The following METTL15 variants were observed in gnomAD, a reference collection of about 807,000 sequenced individuals.
The protein encoded by METTL15 is methyltransferase 15, mitochondrial 12S rRNA N4-cytidine.
Under a neutral mutation model 38.3 loss-of-function variants are expected in METTL15, and 34 were observed. That is an observed-to-expected ratio of 0.89 (90% CI 0.68 to 1.18). The LOEUF (loss-of-function observed/expected upper bound fraction) is 1.18. METTL15 is among the 50% of genes most tolerant of loss of function. The pLI is 0.00. For missense variants in METTL15, 438 were observed against 498.4 expected (o/e 0.88, Z 1.15); for synonymous variants, 162 against 170.9 (o/e 0.95, Z 0.41).
chr11:28,412,814 G>A (rs1850740374), intron 5 of METTL15, among the ~76,000 whole-genome samples: 1 of 151,930 alleles, frequency 6.6e-6, no homozygotes, highest in African/African-American at 2.4e-5. Context: ...CAAGTCTGGA[G>A]AGCTAAAGTA....
intron 3 of METTL15, among the ~76,000 whole-genome samples, chr11:28,174,280 GCTT>G (rs1400003849): frequency 7.2e-6 from 1 of 138,986 alleles, no homozygotes; most frequent in African/African-American, 3.0e-5. Flanking sequence ...TTGTTTTACT[GCTT>G]CTTGATTTTG....
chr11:28,515,845 A>G (rs751474778), intron 6 of METTL15, among the ~76,000 whole-genome samples: 1 of 152,226 alleles, frequency 6.6e-6, no homozygotes, highest in African/African-American at 2.4e-5. Flanking sequence ...ATAAAAACAC[A>G]TAGCCACAAT....
intron 6 of METTL15, among the ~76,000 whole-genome samples, chr11:28,317,416 T>C (rs994625332): frequency 8.6e-5 from 13 of 151,902 alleles, no homozygotes; most frequent in African/African-American, 3.1e-4. Flanking sequence ...ACTTATTAAA[T>C]GTGATGGAAA....
intron 5 of METTL15, chr11:28,410,628 A>T (rs1305534769): frequency 6.6e-6 from 1 of 152,124 alleles, no homozygotes; most frequent in African/African-American, 2.4e-5. Context: ...TTTCTAACAT[A>T]ATAAAGCCCA....
At chr11:28,219,396 G>T (rs990843691) in intron 4 of METTL15, among the ~76,000 whole-genome samples, 18 of 152,068 alleles carry the variant, frequency 1.2e-4, no homozygotes, top group South Asian at 2.1e-4. Context: ...CTGTGGGATC[G>T]GTGGTGATAT....
chr11:28,478,855 G>GT, intron 6 of METTL15, among the ~76,000 whole-genome samples: 1 of 152,244 alleles, frequency 6.6e-6, no homozygotes, highest in South Asian at 2.1e-4. Context: ...TGGTGTTGAT[G>GT]TTTTTTTGAC....
chr11:28,504,765 G>T (rs1464113107), intron 6 of METTL15, among the ~76,000 whole-genome samples: 8 of 152,176 alleles, frequency 5.3e-5, no homozygotes, highest in Admixed American at 5.2e-4. Flanking sequence ...TAAGGGCATG[G>T]TTGTATGCAC....
intron 4 of METTL15, among the ~76,000 whole-genome samples, chr11:28,213,643 G>A (rs1470799335): frequency 7.4e-5 from 11 of 148,116 alleles, no homozygotes; most frequent in South Asian, 2.1e-4. Flanking sequence ...ATAGGAAAAA[G>A]CAATGCCTTT....
At chr11:28,492,324 G>C (rs922577017) in intron 6 of METTL15, among the ~76,000 whole-genome samples, 1 of 152,114 alleles carries the variant, frequency 6.6e-6, no homozygotes, top group African/African-American at 2.4e-5. Context: ...AGAGTTGACA[G>C]GCACATCTTG....
intron 3 of METTL15, among the ~76,000 whole-genome samples, chr11:28,138,623 G>A (rs936305575): frequency 1.3e-5 from 2 of 152,244 alleles, no homozygotes; most frequent in African/African-American, 4.8e-5. Context: ...GTTCACAGAC[G>A]GGAAGAGAAT....
chr11:28,238,157 A>G (rs1004287120), intron 4 of METTL15, among the ~76,000 whole-genome samples: 1 of 152,128 alleles, frequency 6.6e-6, no homozygotes, highest in Non-Finnish European at 1.5e-5. Context: ...GGACATTTAA[A>G]TCTGCAGAGG....
intron 4 of METTL15, among the ~76,000 whole-genome samples, chr11:28,258,242 C>G (rs1855052566): frequency 6.6e-6 from 1 of 152,174 alleles, no homozygotes; most frequent in South Asian, 2.1e-4. Context: ...GGGTATCTCT[C>G]TCTGTTCTGA....
At chr11:28,422,248 A>T (rs1414815125) in intron 5 of METTL15, among the ~76,000 whole-genome samples, 2 of 152,080 alleles carry the variant, frequency 1.3e-5, no homozygotes, top group Non-Finnish European at 2.9e-5. Flanking sequence ...ATATTGTTAA[A>T]ATGTCCATAC....
At position 28,187,560 on chromosome 11, in the gene METTL15, C is replaced by A. The variant is rs573861694; in HGVS notation, c.271-23502C>A. 7.0e-5 allele frequency among the ~76,000 whole-genome samples: 10 copies of A among 143,072 alleles called. No individual in the cohort carries two copies. In the East Asian group the frequency reaches 1.8e-3, roughly 26 times the overall value. The allele number at this position is 143,072 out of a possible 152,430, so 93.9% of individuals were successfully genotyped here. A position where few individuals can be genotyped will look rare whatever the true frequency, so the allele number is the denominator to read the frequency against. On this transcript the variant is annotated intron_variant, in intron 3 of 6. Coordinates refer to ENST00000407364, the MANE Select transcript of METTL15 (RefSeq NM_001113528.2). ...TTTTTTAACACGGACCGATGTCCAT[C>A]TTATATTAAAATAATAGAAACATAG...
intron 5 of METTL15, among the ~76,000 whole-genome samples, chr11:28,371,103 T>A (rs1850238948): frequency 6.6e-6 from 1 of 152,130 alleles, no homozygotes; most frequent in Non-Finnish European, 1.5e-5. Flanking sequence ...TTTTTAGGTC[T>A]TACATGAAAA....
chr11:28,260,573 G>A lies in METTL15; in HGVS notation c.408-29633G>A, dbSNP rs186370510. Among the ~76,000 whole-genome samples the A allele has an allele frequency of 9.0e-4, 137 of 152,214 alleles. 1 individual carries two copies. Among genetic ancestry groups the A allele is most frequent in the African/African-American group, 3.3e-3 (135 of 41,530 alleles). The stretch of plus-strand genomic sequence containing the variant: ...AGTGATCAACAACTATTTGTTGACT[G>A]ATTCGTTCCCAGAGCAAACTAAAGA... On this transcript the variant is annotated intron_variant, in intron 4 of 6. Transcript: ENST00000407364.
At chr11:28,216,045 C>T (rs974816691) in intron 4 of METTL15, among the ~76,000 whole-genome samples, 1 of 151,960 alleles carries the variant, frequency 6.6e-6, no homozygotes, top group African/African-American at 2.4e-5. Context: ...GAAGGATAGA[C>T]AGATCAGAAA....
At chr11:28,259,798 T>C (rs114731249) in intron 4 of METTL15, among the ~76,000 whole-genome samples, 90 of 152,336 alleles carry the variant, frequency 5.9e-4, no homozygotes, top group African/African-American at 2.2e-3. Context: ...AACCAGGTAC[T>C]GTGAGTACTC....
At chr11:28,186,361 CA>C (rs774826826) in intron 3 of METTL15, among the ~76,000 whole-genome samples, 4 of 151,078 alleles carry the variant, frequency 2.6e-5, no homozygotes, top group South Asian at 4.2e-4. Context: ...TTTTAGTCAA[CA>C]AAAAATGATT....
Sources: gnomAD v4.1 joint callset for allele counts (sites outside exome capture counted in the v4.1 genomes callset) on GRCh38, gnomAD v4.1.1 for gene constraint, MANE v1.5 for transcripts, NCBI Gene and HGNC (gene_info 2026-07-23, HGNC 2026-07-21) for gene names.